RALYL: variants seen among roughly 807,000 people sequenced by gnomAD.
The protein encoded by RALYL is RNA-binding Raly-like protein.
A neutral mutation model predicts 35.1 loss-of-function variants in RALYL; 29 were observed. The ratio of observed to expected loss-of-function variants is 0.83; its 90% CI spans 0.61 to 1.13. The LOEUF (loss-of-function observed/expected upper bound fraction) is 1.13. RALYL is among the 50% of genes most tolerant of loss of function. RALYL has a pLI of 0.00. For missense variants in RALYL, 359 were observed against 360.4 expected (o/e 1.00, Z 0.03); for synonymous variants, 120 against 127.6 (o/e 0.94, Z 0.40).
At chr8:84,438,470 C>T (rs1370013928) in intron 1 of RALYL, among the ~76,000 whole-genome samples, 1 of 152,142 alleles carries the variant, frequency 6.6e-6, no homozygotes, top group Admixed American at 6.5e-5. Context: ...CTCACTGCAA[C>T]CTCCACCTCC....
chr8:84,315,280 A>G (rs989698029), intron 1 of RALYL, among the ~76,000 whole-genome samples: 1 of 152,214 alleles, frequency 6.6e-6, no homozygotes, highest in African/African-American at 2.4e-5. Flanking sequence ...ATAGAATCAA[A>G]AGCAGCTTTC....
At chr8:84,471,925 A>G (rs144863978) in intron 1 of RALYL, among the ~76,000 whole-genome samples, 38 of 152,352 alleles carry the variant, frequency 2.5e-4, no homozygotes, top group African/African-American at 9.1e-4. Flanking sequence ...CTAACATTAT[A>G]TTGAATTACA....
intron 6 of RALYL, chr8:84,873,012 A>C (rs78871391): frequency 0.03 from 8,601 of 283,842 alleles, 692 homozygotes; most frequent in African/African-American, 0.17. Flanking sequence ...TATTTTAAAA[A>C]ATATTTCTTA....
intron 1 of RALYL, among the ~76,000 whole-genome samples, chr8:84,387,589 A>T (rs1859516775): frequency 6.6e-6 from 1 of 151,720 alleles, no homozygotes; most frequent in African/African-American, 2.4e-5. Flanking sequence ...TGCCTCTGTC[A>T]ATGGCAGGGA....
In RALYL at chr8:84,774,736, T is replaced by C. The variant is rs993513931; in HGVS notation, c.332+82T>C. The C allele has an allele frequency of 1.4e-5, 12 of 841,184 alleles. No homozygotes were observed. In the African/African-American group the frequency reaches 2.1e-4, roughly 15 times the overall value. 52.1% of individuals were successfully genotyped at this position (841,184 alleles called of 1,614,324 possible). A position where few individuals can be genotyped will look rare whatever the true frequency, so the allele number is the denominator to read the frequency against. On this transcript the variant is annotated intron_variant, in intron 3 of 8. Transcript: ENST00000521268. ...ATAAGGCAATATAACTTGTAAGGCA[T>C]CCACTATTTAAAATAATAATCCTTA...
At chr8:84,684,965 A>G (rs2132048549) in intron 2 of RALYL, among the ~76,000 whole-genome samples, 1 of 152,290 alleles carries the variant, frequency 6.6e-6, no homozygotes, top group Admixed American at 6.5e-5. Context: ...CTCAGCTGGT[A>G]GGCAGTCGCC....
At chr8:84,323,691 GA>G (rs1845290122) in intron 1 of RALYL, among the ~76,000 whole-genome samples, 1 of 152,034 alleles carries the variant, frequency 6.6e-6, no homozygotes, top group Non-Finnish European at 1.5e-5. Flanking sequence ...TAAACCAAAT[GA>G]AGAAAATTAT....
At chr8:84,535,625 ATTT>A in intron 2 of RALYL, among the ~76,000 whole-genome samples, 1 of 150,004 alleles carries the variant, frequency 6.7e-6, no homozygotes, top group East Asian at 2.0e-4. Flanking sequence ...ATTTTATTTT[ATTT>A]TATTTTATTT....
chr8:84,324,381 C>T (rs1179837925), intron 1 of RALYL, among the ~76,000 whole-genome samples: 1 of 151,856 alleles, frequency 6.6e-6, no homozygotes, highest in Non-Finnish European at 1.5e-5. Flanking sequence ...GGTTGTATAG[C>T]TTAGAGTCAT....
At chr8:84,680,373 G>A (rs1835182751) in intron 2 of RALYL, among the ~76,000 whole-genome samples, 5 of 152,096 alleles carry the variant, frequency 3.3e-5, no homozygotes, top group Admixed American at 2.6e-4. Context: ...CCAGTAATGG[G>A]ATGGCTGGGT....
At chr8:84,428,102 TCTCTCACA>T (rs1490682793) in intron 1 of RALYL, among the ~76,000 whole-genome samples, 40 of 131,240 alleles carry the variant, frequency 3.0e-4, no homozygotes, top group African/African-American at 8.9e-4. Flanking sequence ...TCTCTCTCTC[TCTCTCACA>T]CACACACACA....
intron 1 of RALYL, among the ~76,000 whole-genome samples, chr8:84,429,401 G>A (rs568873580): frequency 2.2e-4 from 33 of 152,178 alleles, no homozygotes; most frequent in African/African-American, 6.3e-4. Flanking sequence ...TTTGATCTTC[G>A]TTCCTTTGTT....
intron 1 of RALYL, among the ~76,000 whole-genome samples, chr8:84,428,391 G>A (rs1437050603): frequency 6.6e-6 from 1 of 151,986 alleles, no homozygotes; most frequent in Non-Finnish European, 1.5e-5. Flanking sequence ...ATCCTAATGT[G>A]GGGTATGAAA....
chr8:84,393,808 G>A (rs1345770515), intron 1 of RALYL, among the ~76,000 whole-genome samples: 1 of 152,046 alleles, frequency 6.6e-6, no homozygotes, highest in Non-Finnish European at 1.5e-5. Context: ...CCATAAAATG[G>A]TGTATACCTC....
intron 1 of RALYL, among the ~76,000 whole-genome samples, chr8:84,502,941 A>G (rs1174239348): frequency 6.6e-6 from 1 of 151,890 alleles, no homozygotes; most frequent in Middle Eastern, 3.2e-3. Flanking sequence ...AATAATTTAG[A>G]GTATAATTTG....
intron 2 of RALYL, among the ~76,000 whole-genome samples, chr8:84,693,539 G>A (rs375438626): frequency 6.6e-5 from 10 of 151,972 alleles, no homozygotes; most frequent in African/African-American, 2.4e-4. Context: ...AGATTTTGGT[G>A]GGGACATAGC....
intron 6 of RALYL, chr8:84,864,988 T>G (rs993422572): frequency 4.9e-6 from 1 of 202,586 alleles, no homozygotes; most frequent in Admixed American, 5.8e-5. Flanking sequence ...TCACAAAAGC[T>G]AACTGTTGAT....
At chr8:84,542,157 A>T (rs1435183181) in intron 2 of RALYL, among the ~76,000 whole-genome samples, 17 of 151,544 alleles carry the variant, frequency 1.1e-4, no homozygotes, top group Admixed American at 1.1e-3. Context: ...TGCCGTTTCC[A>T]CTCTGTTAGC....
At chr8:84,867,087 G>C (rs1424894635) in intron 6 of RALYL, among the ~76,000 whole-genome samples, 3 of 152,166 alleles carry the variant, frequency 2.0e-5, no homozygotes, top group Non-Finnish European at 4.4e-5. Context: ...TGATGGCTGT[G>C]AGGTAAGGAT....
Sources: allele counts gnomAD v4.1 joint callset (sites outside exome capture counted in the v4.1 genomes callset), GRCh38; gene constraint gnomAD v4.1.1; transcripts MANE v1.5; gene names NCBI Gene and HGNC (gene_info 2026-07-23, HGNC 2026-07-21).